Variants in LRPAP1 observed in about 807,000 individuals in gnomAD.
LRPAP1 encodes alpha-2-macroglobulin receptor-associated protein.
A neutral mutation model predicts 39.9 loss-of-function variants in LRPAP1; 41 were observed. That is an observed-to-expected ratio of 1.03 (90% CI 0.80 to 1.33). The LOEUF is 1.33. LRPAP1 is among the 40% of genes most tolerant of loss of function. LRPAP1 has a pLI of 0.00. For missense variants in LRPAP1, 565 were observed against 482.3 expected, an observed-to-expected ratio of 1.17 and a Z score of -1.61; for synonymous variants, 263 against 212.7, an observed-to-expected ratio of 1.24 and a Z score of -2.06.
intron 1 of LRPAP1, 67 bp from the exon 2 acceptor site, chr4:3,525,118 C>G (rs1356047492): frequency 1.3e-6 from 2 of 1,590,468 alleles, no homozygotes; most frequent in Non-Finnish European, 1.7e-6. Context: ...GAGAAACTGA[C>G]CTCGGAGGAG....
intron 1 of LRPAP1, among the ~76,000 whole-genome samples, chr4:3,531,548 A>G (rs1325457522): frequency 1.3e-5 from 2 of 152,220 alleles, no homozygotes; most frequent in African/African-American, 2.4e-5. Flanking sequence ...TCACGCACCA[A>G]TTAGGAAGCT....
chr4:3,525,842 T>C (rs1008271106), intron 1 of LRPAP1, among the ~76,000 whole-genome samples: 2 of 152,038 alleles, frequency 1.3e-5, no homozygotes, highest in African/African-American at 4.8e-5. Context: ...AGGCCAAGAG[T>C]GTCCCCACGT....
At chr4:3,530,781 G>A (rs1730226802) in intron 1 of LRPAP1, among the ~76,000 whole-genome samples, 1 of 152,230 alleles carries the variant, frequency 6.6e-6, no homozygotes, top group Non-Finnish European at 1.5e-5. Context: ...CTGGAGGTAA[G>A]GTGGAGCGCA....
chr4:3,504,764 A>C lies in LRPAP1; in HGVS notation c.*8210T>G, dbSNP rs1209312053. Among the ~76,000 whole-genome samples the C allele has an allele frequency of 2.0e-4, 28 of 141,026 alleles. No individual in the cohort carries two copies. The highest frequency in any genetic ancestry group is 7.0e-4 in the African/African-American group (27 of 38,840). 92.5% of individuals were successfully genotyped at this position (141,026 alleles called of 152,430 possible). The stretch of plus-strand genomic sequence containing the variant: ...CCATCTCAAAAAAAAAAAAAAAAAA[A>C]CCAAAAAACAAAACACACACACACA... On this transcript the variant is annotated 3_prime_UTR_variant, in exon 8 of 8. Coordinates refer to ENST00000650182, the MANE Select transcript of LRPAP1 (RefSeq NM_002337.4).
rs938724673 is a variant in LRPAP1 at position 3,511,436 on chromosome 4, CT to C, written c.*1537del. On this transcript the variant is annotated 3_prime_UTR_variant, in exon 8 of 8. Transcript: ENST00000650182. The stretch of plus-strand genomic sequence containing the variant: ...GACAGGGCTGAGTCTCACCAACACA[CT>C]GAGTACCTTAAGGCTCTCAGGATAA... 3 of 152,232 alleles carry C rather than the reference CT, an allele frequency of 2.0e-5. No individual in the cohort carries two copies. The highest frequency in any genetic ancestry group is 4.4e-5 in the Non-Finnish European group (3 of 68,090). The allele number at this position is 152,232 out of a possible 1,614,324, so 9.4% of individuals were successfully genotyped here.
rs1195480292 is a variant in LRPAP1, at chr4:3,505,709, A to G, written c.*7265T>C. 6.6e-6 allele frequency among the ~76,000 whole-genome samples: 1 copy of G among 152,128 alleles called. No individual in the cohort carries two copies. The highest frequency in any genetic ancestry group is 2.4e-5 in the African/African-American group (1 of 41,450). ...TATACCAGCTACCCCAAGACCGTCT[A>G]TACCAGCTACGCCAAGACCGTCTAT... On this transcript the variant is annotated 3_prime_UTR_variant, in exon 8 of 8. Coordinates refer to ENST00000650182, the MANE Select transcript of LRPAP1 (RefSeq NM_002337.4).
In LRPAP1 at chr4:3,532,262, C is replaced by T. The variant is rs1730279932; in HGVS notation, c.151G>A (p.Gly51Arg). Reference sequence around the variant, plus strand: ...AACTTCTCCATGCGGAACTCCTCTCCGGACTCGCGTTTCGGGGACGGCTTG... The same window carrying T: ...AACTTCTCCATGCGGAACTCCTCTCTGGACTCGCGTTTCGGGGACGGCTTG... ...QPKPSPKRES[G>R]EEFRMEKLNQ... The change falls in exon 1 of 8, where the codon GGA becomes AGA. Residue 51 changes from glycine to arginine, a missense_variant. Gly to Arg is a moderately radical substitution (Grantham distance 125). Coordinates refer to ENST00000650182, the MANE Select transcript of LRPAP1 (RefSeq NM_002337.4). The T allele has an allele frequency of 1.3e-6, 2 of 1,554,092 alleles. No homozygotes were observed. The highest frequency in any genetic ancestry group is 1.2e-5 in the South Asian group (1 of 84,458).
intron 5 of LRPAP1, among the ~76,000 whole-genome samples, chr4:3,516,735 G>GACGC (rs1033080697): frequency 1.3e-5 from 2 of 152,226 alleles, no homozygotes; most frequent in African/African-American, 4.8e-5. Flanking sequence ...CTCACGAAGG[G>GACGC]ACGCAGTGAG....
rs367725933 is a variant in LRPAP1 at position 3,513,748 on chromosome 4, G to A, written c.1012-712C>T. The stretch of plus-strand genomic sequence containing the variant: ...CACAACAGCCCAGAGCATCCCCACA[G>A]ATACCACCCCAGTGGCAGCAGGTGC... On this transcript the variant is annotated intron_variant, in intron 7 of 7. Coordinates refer to ENST00000650182, the MANE Select transcript of LRPAP1 (RefSeq NM_002337.4). Among the ~76,000 whole-genome samples the A allele has an allele frequency of 4.8e-4, 73 of 152,330 alleles. No homozygotes were observed. The East Asian group carries it at 9.1e-3, about 19-fold the overall frequency.
intron 5 of LRPAP1, 186 bp downstream of exon 5, chr4:3,517,848 C>G: frequency 1.6e-6 from 1 of 611,116 alleles, no homozygotes; most frequent in South Asian, 2.8e-5. Context: ...CGGCGAGTGA[C>G]CTTCACGGAG....
chr4:3,532,239 C>A lies in LRPAP1; in HGVS notation c.174G>T (p.Lys58Asn), dbSNP rs1226025350. The A allele has an allele frequency of 1.9e-6, 3 of 1,551,300 alleles. No individual in the cohort carries two copies. The Admixed American group carries it at 5.9e-5, about 30-fold the overall frequency. Reference protein sequence around the residue: ...RESGEEFRMEKLNQLWEKAQR... With the variant: ...RESGEEFRMENLNQLWEKAQR... ...GGGCCTTCTCCCACAGCTGGTTCAA[C>A]TTCTCCATGCGGAACTCCTCTCCGG... The change falls in exon 1 of 8, where the codon AAG becomes AAT. Residue 58 changes from lysine to asparagine, a missense_variant. Coordinates refer to ENST00000650182, the MANE Select transcript of LRPAP1 (RefSeq NM_002337.4).
rs906079428 is a variant in LRPAP1, at chr4:3,511,419, TGA to T, written c.*1553_*1554del. 2 of 152,050 alleles carry T rather than the reference TGA, an allele frequency of 1.3e-5. No homozygotes were observed. Among genetic ancestry groups the T allele is most frequent in the African/African-American group, 4.8e-5 (2 of 41,364 alleles). The allele number at this position is 152,050 out of a possible 1,614,324, so 9.4% of individuals were successfully genotyped here. ...ACACACTTCTGCTAGATGACAGGGC[TGA>T]GTCTCACCAACACACTGAGTACCTT... On this transcript the variant is annotated 3_prime_UTR_variant, in exon 8 of 8. Coordinates refer to ENST00000650182, the MANE Select transcript of LRPAP1 (RefSeq NM_002337.4).
chr4:3,514,632 A>G (rs1290123543), intron 7 of LRPAP1, 120 bp downstream of exon 7: 11 of 1,301,268 alleles, frequency 8.5e-6, no homozygotes, highest in Non-Finnish European at 1.1e-5. Context: ...CAACTCGGAC[A>G]GGGAAGACAG....
At chr4:3,513,259 G>T (rs557688421) in intron 7 of LRPAP1, among the ~76,000 whole-genome samples, 53 of 152,354 alleles carry the variant, frequency 3.5e-4, no homozygotes, top group African/African-American at 1.3e-3. Context: ...CCAGCCAGGA[G>T]CAGTTCATGC....
Position 3,524,933 on chromosome 4 carries a change from TC to T in LRPAP1, c.322del (p.Glu108LysfsTer26). 1.9e-6 allele frequency: 3 copies of T among 1,614,214 alleles called. No homozygotes were observed. In the East Asian group the frequency reaches 6.7e-5, roughly 36 times the overall value. On this transcript the variant is annotated frameshift_variant, in exon 2 of 8. Transcript: ENST00000650182. LOFTEE classifies it high-confidence loss of function. ...LDGLDEDGEK[E>X]ARLIRNLNVI... is the part of the protein sequence containing the mutation. The stretch of plus-strand genomic sequence containing the variant: ...ATTGAGGTTGCGTATGAGTCTCGCT[TC>T]CTTCTCCCCATCTTCGTCCAAGCCG...
intron 7 of LRPAP1, among the ~76,000 whole-genome samples, chr4:3,513,981 C>G (rs73793979): frequency 6.6e-6 from 1 of 152,250 alleles, no homozygotes; most frequent in Non-Finnish European, 1.5e-5. Flanking sequence ...TAACCAACAC[C>G]GAGCTTTGCC....
intron 6 of LRPAP1, 41 bp from the exon 7 acceptor site, chr4:3,514,969 C>A: frequency 3.1e-6 from 5 of 1,597,304 alleles, no homozygotes; most frequent in Non-Finnish European, 3.4e-6. Context: ...CCTTCCCGTG[C>A]TCGCCACGCC....
chr4:3,518,121 T>G lies in LRPAP1; in HGVS notation c.664A>C (p.Thr222Pro), dbSNP rs533591282. ...IKGSVLHSRHTELKEKLRSIN... is the reference protein window; with the variant it reads ...IKGSVLHSRHPELKEKLRSIN... ...CTGCGCAGCTTCTCCTTCAGCTCCG[T>G]GTGCCTGCTGTGCAGGACGCTGCCC... is the stretch of plus-strand genomic sequence containing the variant. The change falls in exon 5 of 8, where the codon ACG becomes CCG. Residue 222 changes from threonine to proline, a missense_variant. Physicochemically the swap from Thr to Pro is conservative, Grantham distance 38. Transcript: ENST00000650182. 52 of 1,613,542 alleles carry G rather than the reference T, an allele frequency of 3.2e-5. No homozygotes were observed. Among genetic ancestry groups the G allele is most frequent in the Middle Eastern group, 3.3e-4 (2 of 6,084 alleles).
At chr4:3,518,003 C>T (rs761310051) in intron 5 of LRPAP1, 31 bp downstream of exon 5, 48 of 1,566,068 alleles carry the variant, frequency 3.1e-5, no homozygotes, top group South Asian at 2.0e-4. Context: ...GCCCCACCCT[C>T]GGGAACCAAC....
Sources: allele counts gnomAD v4.1 joint callset (sites outside exome capture counted in the v4.1 genomes callset), GRCh38; gene constraint gnomAD v4.1.1; transcripts MANE v1.5; gene names NCBI Gene and HGNC (gene_info 2026-07-23, HGNC 2026-07-21).